Variants in DNAH8 observed in about 807,000 individuals in gnomAD.
The protein encoded by DNAH8 is dynein axonemal heavy chain 8.
Under a neutral mutation model 562.1 loss-of-function variants are expected in DNAH8, and 382 were observed. The ratio of observed to expected loss-of-function variants is 0.68; its 90% CI spans 0.63 to 0.74. The LOEUF (loss-of-function observed/expected upper bound fraction) is 0.74. Among genes scored for constraint, DNAH8 ranks in the 30% least tolerant of loss-of-function variants. The pLI is 0.00. For missense variants in DNAH8, 5,203 were observed against 5,620.4 expected (o/e 0.93, Z 2.37); for synonymous variants, 1,881 against 1,919.4 (o/e 0.98, Z 0.52).
intron 26 of DNAH8, among the ~76,000 whole-genome samples, chr6:38,818,494 C>A (rs1772486797): frequency 7.8e-6 from 1 of 128,990 alleles, no homozygotes. Flanking sequence ...CATAAAGTTA[C>A]TGAAGGTTGT....
At chr6:38,903,369 T>C (rs1051686293) in intron 62 of DNAH8, among the ~76,000 whole-genome samples, 7 of 151,996 alleles carry the variant, frequency 4.6e-5, no homozygotes, top group Non-Finnish European at 7.4e-5. Flanking sequence ...AGAGTGAGGG[T>C]GCAGGTCCCA....
chr6:38,973,761 G>A lies in DNAH8; in HGVS notation c.12626G>A (p.Arg4209Gln), dbSNP rs1305944803. The change falls in exon 84 of 93, where the codon CGA becomes CAA. Residue 4209 changes from arginine to glutamine, a missense_variant. Arg to Gln is a conservative substitution (Grantham distance 43). Around this residue, in one of 6 missense-constraint regions of DNAH8, gnomAD observed 1,399 missense variants for 1,518.4 expected, o/e 0.92. Coordinates refer to ENST00000327475, the MANE Select transcript of DNAH8 (RefSeq NM_001206927.2). The part of the protein sequence containing the change: ...ITTEASDDSF[R>Q]VWITTEPHDR... ...ACTGAAGCCAGTGATGATTCTTTCC[G>A]AGTATGGATAACTACGGAGCCCCAT... is the stretch of plus-strand genomic sequence containing the variant. The A allele has an allele frequency of 3.7e-6, 6 of 1,611,090 alleles. No homozygotes were observed. The South Asian group carries it at 4.4e-5, about 12-fold the overall frequency.
Position 38,729,854 on chromosome 6 carries a change from G to T in DNAH8, c.526-48G>T, listed in dbSNP as rs758736443. 7 of 1,019,134 alleles carry T rather than the reference G, an allele frequency of 6.9e-6. No homozygotes were observed. The South Asian group carries it at 1.0e-4, about 15-fold the overall frequency. The allele number at this position is 1,019,134 out of a possible 1,614,324, so 63.1% of individuals were successfully genotyped here. A position where few individuals can be genotyped will look rare whatever the true frequency, so the allele number is the denominator to read the frequency against. ...ATCTTCTTCATCTGCAAAATACTAA[G>T]AATTTTTCCTTAGTCGTTTGATTAT... is the stretch of plus-strand genomic sequence containing the variant. On this transcript the variant is annotated intron_variant, in intron 3 of 92. Transcript: ENST00000327475.
At chr6:38,884,163 T>C (rs1289200565) in intron 56 of DNAH8, among the ~76,000 whole-genome samples, 165 bp downstream of exon 56, 4 of 152,174 alleles carry the variant, frequency 2.6e-5, no homozygotes, top group Admixed American at 2.6e-4. Flanking sequence ...AGTTTCTCCT[T>C]TCTTAAATCC....
chr6:39,016,487 C>T (rs1766578766), intron 91 of DNAH8, among the ~76,000 whole-genome samples: 1 of 150,478 alleles, frequency 6.6e-6, no homozygotes, highest in Admixed American at 6.7e-5. Context: ...GGAGGCGGAG[C>T]TTGCAGTGGG....
Position 38,852,463 on chromosome 6 carries a change from T to C in DNAH8, c.5467-231T>C, listed in dbSNP as rs16891132. On this transcript the variant is annotated intron_variant, in intron 39 of 92. Coordinates refer to ENST00000327475, the MANE Select transcript of DNAH8 (RefSeq NM_001206927.2). ...GTGACAGTCCTTAGTCTAATCTGCA[T>C]AGCATGGGAGGGGCCATTTGCAGGA... is the stretch of plus-strand genomic sequence containing the variant. Among the ~76,000 whole-genome samples the C allele has an allele frequency of 0.01, 1,551 of 152,208 alleles. 87 individuals are homozygous for C. The East Asian group carries it at 0.15, about 14-fold the overall frequency.
chr6:38,731,902 G>A (rs1340718137), intron 4 of DNAH8, among the ~76,000 whole-genome samples: 4 of 152,146 alleles, frequency 2.6e-5, no homozygotes, highest in African/African-American at 9.6e-5. Context: ...TTTTAGTAGA[G>A]ACAGGGTTTC....
intron 56 of DNAH8, among the ~76,000 whole-genome samples, chr6:38,885,830 C>T (rs564232184): frequency 6.6e-6 from 1 of 152,310 alleles, no homozygotes; most frequent in African/African-American, 2.4e-5. Context: ...CTCCTATATT[C>T]TACAAAAGTC....
At chr6:39,016,328 G>A (rs922956758) in intron 91 of DNAH8, among the ~76,000 whole-genome samples, 4 of 152,068 alleles carry the variant, frequency 2.6e-5, no homozygotes, top group African/African-American at 9.7e-5. Flanking sequence ...GAGGCGGGCG[G>A]ATCACGAGGT....
At position 38,747,542 on chromosome 6, in the gene DNAH8, A is replaced by T. The variant is rs185247382; in HGVS notation, c.1294-2934A>T. 2.5e-3 allele frequency among the ~76,000 whole-genome samples: 384 copies of T among 152,150 alleles called. 3 individuals carry two copies. Among genetic ancestry groups the T allele is most frequent in the African/African-American group, 9.0e-3 (373 of 41,502 alleles). ...GCTGGGACTACAGGCACATGCCACC[A>T]TACCCAGCTAATTTTTGTATGTTTA... On this transcript the variant is annotated intron_variant, in intron 8 of 92. Transcript: ENST00000327475.
At chr6:38,852,606 A>T in intron 39 of DNAH8, 88 bp from the exon 40 acceptor site, 1 of 927,076 alleles carries the variant, frequency 1.1e-6, no homozygotes, top group Non-Finnish European at 1.6e-6. Flanking sequence ...TTAACCTTTT[A>T]AAAAGATACA....
intron 30 of DNAH8, among the ~76,000 whole-genome samples, chr6:38,829,742 G>C (rs548258932): frequency 1.2e-4 from 19 of 152,124 alleles, no homozygotes; most frequent in South Asian, 2.1e-4. Context: ...TAGTAGCTTT[G>C]TGCTAAGCTT....
rs1321707522 is a variant in DNAH8, at chr6:38,870,401, G to A, written c.6829G>A (p.Val2277Ile). ...TTTATTTTAAACTATGCCACCTTAG[G>A]TTGATGAAGATGAACCCCTGTTCCT... ...GLRDMNLSKLVDEDEPLFLSL... is the reference protein window; with the variant it reads ...GLRDMNLSKLIDEDEPLFLSL... The change falls in exon 49 of 93, where the codon GTT (valine) becomes ATT (isoleucine). Residue 2277 changes from valine to isoleucine, a missense_variant and splice_region_variant. Transcript: ENST00000327475. 3.7e-6 allele frequency: 6 copies of A among 1,612,178 alleles called. No individual in the cohort carries two copies. The highest frequency in any genetic ancestry group is 5.1e-6 in the Non-Finnish European group (6 of 1,179,166).
intron 34 of DNAH8, 56 bp from the exon 35 acceptor site, chr6:38,842,607 A>G (rs977641162): frequency 1.9e-5 from 31 of 1,593,444 alleles, no homozygotes; most frequent in Non-Finnish European, 2.6e-5. Flanking sequence ...TATACATAAA[A>G]CCTTCCTCAA....
chr6:38,742,263 C>A (rs1764578875), intron 8 of DNAH8, among the ~76,000 whole-genome samples: 1 of 152,092 alleles, frequency 6.6e-6, no homozygotes, highest in Non-Finnish European at 1.5e-5. Context: ...TCCTAGAGGT[C>A]ATCTTTATTT....
At chr6:38,869,579 G>A (rs1777309055) in intron 48 of DNAH8, among the ~76,000 whole-genome samples, 1 of 152,204 alleles carries the variant, frequency 6.6e-6, no homozygotes, top group African/African-American at 2.4e-5. Context: ...GCAAGGATTG[G>A]AGTCAGTGTA....
At chr6:38,824,846 A>G (rs1384144182) in intron 28 of DNAH8, among the ~76,000 whole-genome samples, 7 of 152,136 alleles carry the variant, frequency 4.6e-5, no homozygotes, top group Middle Eastern at 3.2e-3. Context: ...TCTCTGAGGA[A>G]GAATCACAAG....
At chr6:38,812,739 A>G (rs910217117) in intron 24 of DNAH8, among the ~76,000 whole-genome samples, 1 of 74,252 alleles carries the variant, frequency 1.3e-5, no homozygotes, top group Non-Finnish European at 3.0e-5. Context: ...CTTGAAGATG[A>G]AAAAAAAAAG....
At chr6:38,895,756 C>T (rs1779632706) in intron 59 of DNAH8, among the ~76,000 whole-genome samples, 1 of 152,350 alleles carries the variant, frequency 6.6e-6, no homozygotes, top group Non-Finnish European at 1.5e-5. Context: ...AGAGGACGCT[C>T]GTCCACTACC....
Sources: gnomAD v4.1 joint callset for allele counts (sites outside exome capture counted in the v4.1 genomes callset) on GRCh38, gnomAD v4.1.1 for gene constraint, gnomAD v4.1.1 regional missense constraint, MANE v1.5 for transcripts, NCBI Gene and HGNC (gene_info 2026-07-23, HGNC 2026-07-21) for gene names.